Variants in ZNF708 observed in about 807,000 individuals in gnomAD.
ZNF708 encodes the protein ZNF15, ZNF15L1.
Under a neutral mutation model 47.0 loss-of-function variants are expected in ZNF708, and 44 were observed. The observed-to-expected ratio is 0.94, with a 90% CI of 0.74 to 1.20. The LOEUF is 1.20. Ranked by LOEUF, ZNF708 falls within the 50% of genes most tolerant of loss-of-function variation. ZNF708 has a pLI of 0.00. For missense variants in ZNF708, 557 were observed against 656.0 expected, an observed-to-expected ratio of 0.85 and a Z score of 1.65; for synonymous variants, 184 against 218.5, an observed-to-expected ratio of 0.84 and a Z score of 1.39.
chr19:21,307,140 A>C (rs1972796284), intron 3 of ZNF708, among the ~76,000 whole-genome samples: 1 of 138,646 alleles, frequency 7.2e-6, no homozygotes, highest in East Asian at 2.1e-4. Context: ...AAATAAAATA[A>C]AATAAAATAA....
intron 3 of ZNF708, among the ~76,000 whole-genome samples, chr19:21,306,154 G>T (rs993159054): frequency 6.6e-6 from 1 of 152,126 alleles, no homozygotes; most frequent in Non-Finnish European, 1.5e-5. Flanking sequence ...TCATGTCATT[G>T]GTCTTGGCAC....
intron 1 of ZNF708, among the ~76,000 whole-genome samples, chr19:21,317,561 A>C (rs1973041410): frequency 6.6e-6 from 1 of 152,198 alleles, no homozygotes; most frequent in Admixed American, 6.5e-5. Context: ...TGTGTTTGGA[A>C]AATATAACAA....
At chr19:21,294,925 T>G (rs925343709) in intron 3 of ZNF708, among the ~76,000 whole-genome samples, 186 bp from the exon 4 acceptor site, 1 of 152,120 alleles carries the variant, frequency 6.6e-6, no homozygotes, top group African/African-American at 2.4e-5. Context: ...AATTTATAAA[T>G]AAGTAAAGTC....
intron 3 of ZNF708, among the ~76,000 whole-genome samples, chr19:21,296,942 G>A (rs1157276458): frequency 6.6e-6 from 1 of 151,742 alleles, no homozygotes; most frequent in African/African-American, 2.4e-5. Context: ...GGACCAGCCT[G>A]GCCAACATGG....
intron 3 of ZNF708, among the ~76,000 whole-genome samples, chr19:21,297,017 C>T (rs897727154): frequency 6.6e-6 from 1 of 151,268 alleles, no homozygotes; most frequent in Non-Finnish European, 1.5e-5. Flanking sequence ...ACTGTAATCC[C>T]AGCTACTTGG....
intron 1 of ZNF708, among the ~76,000 whole-genome samples, chr19:21,314,031 T>C (rs1972955969): frequency 6.6e-6 from 1 of 151,362 alleles, no homozygotes; most frequent in Non-Finnish European, 1.5e-5. Context: ...TTTCAGGAAA[T>C]TGGGAGCACC....
intron 3 of ZNF708, among the ~76,000 whole-genome samples, chr19:21,304,312 C>T (rs1021107844): frequency 6.6e-6 from 1 of 151,326 alleles, no homozygotes; most frequent in Admixed American, 6.6e-5. Context: ...AGAGCGTAAC[C>T]TTTTTGATTA....
rs200424899 is a variant in ZNF708 at position 21,302,361 on chromosome 19, A to C, written c.226+6885T>G. Among the ~76,000 whole-genome samples, 7 of 152,290 alleles carry C rather than the reference A, an allele frequency of 4.6e-5. No homozygotes were observed. In the East Asian group the frequency reaches 1.3e-3, roughly 29 times the overall value. On this transcript the variant is annotated intron_variant, in intron 3 of 3. Transcript: ENST00000356929. ...TAACTACTGAAAAATATAAAGGTAT[A>C]GCTTTTGTATTAAATTGAAGTTGTT...
At chr19:21,317,407 G>A (rs551731090) in intron 1 of ZNF708, among the ~76,000 whole-genome samples, 1 of 152,294 alleles carries the variant, frequency 6.6e-6, no homozygotes, top group South Asian at 2.1e-4. Flanking sequence ...AGGCAGAGAT[G>A]CAATTCTTCC....
chr19:21,323,656 A>G (rs1332053015), intron 1 of ZNF708, among the ~76,000 whole-genome samples: 1 of 152,182 alleles, frequency 6.6e-6, no homozygotes. Context: ...AACTGCCTCA[A>G]AACAAGAACA....
intron 1 of ZNF708, among the ~76,000 whole-genome samples, chr19:21,325,778 C>A (rs1973243574): frequency 6.6e-6 from 1 of 152,066 alleles, no homozygotes; most frequent in African/African-American, 2.4e-5. Flanking sequence ...AGTAAACAGA[C>A]AACACATAGA....
In ZNF708 at chr19:21,310,599, A is replaced by T. The variant is rs1449949347; in HGVS notation, c.32T>A (p.Ile11Lys). 6.5e-7 allele frequency: 1 copy of T among 1,548,080 alleles called. No individual in the cohort carries two copies. Among genetic ancestry groups the T allele is most frequent in the Admixed American group, 1.8e-5 (1 of 54,588 alleles). The change falls in exon 2 of 4, where the codon ATA (isoleucine) becomes AAA (lysine). Residue 11 changes from isoleucine (I) to lysine (K), a missense_variant. By Grantham distance (102) the Ile-to-Lys change is moderately radical. Coordinates refer to ENST00000356929, the MANE Select transcript of ZNF708 (RefSeq NM_021269.3). MGPLTFMDVAIEFSLEEWQCL... is the reference protein window; with the variant it reads MGPLTFMDVAKEFSLEEWQCL... The stretch of plus-strand genomic sequence containing the variant: ...CTGCCACTCCTCCAGAGAGAATTCT[A>T]TGGCCACATCCATAAATGTCAATGG...
chr19:21,309,126 AC>A, intron 3 of ZNF708, 119 bp downstream of exon 3: 1 of 1,036,928 alleles, frequency 9.6e-7, no homozygotes, highest in South Asian at 1.6e-5. Flanking sequence ...AGTTAAAAAA[AC>A]AAAACAGCTG....
At chr19:21,297,163 AT>A (rs1473179949) in intron 3 of ZNF708, among the ~76,000 whole-genome samples, 10 of 148,026 alleles carry the variant, frequency 6.8e-5, no homozygotes, top group African/African-American at 2.0e-4. Flanking sequence ...AATTTAAAAA[AT>A]ATATATGTAT....
intron 1 of ZNF708, 43 bp downstream of exon 1, chr19:21,329,167 A>G (rs749789518): frequency 3.1e-6 from 5 of 1,610,754 alleles, no homozygotes; most frequent in Middle Eastern, 1.6e-4. Flanking sequence ...ACAGGTTTCA[A>G]CCAGCCCTTC....
chr19:21,297,261 TATATATATA>T (rs1235232063), intron 3 of ZNF708, among the ~76,000 whole-genome samples: 1 of 15,928 alleles, frequency 6.3e-5, no homozygotes, highest in Non-Finnish European at 1.4e-4. Flanking sequence ...TATATATATA[TATATATATA>T]TTTTTTTTTT....
rs1404115434 is a variant in ZNF708 at position 21,329,228 on chromosome 19, G to A, written c.-16C>T. On this transcript the variant is annotated 5_prime_UTR_variant, in exon 1 of 4. Transcript: ENST00000356929. Reference sequence around the variant, plus strand: ...CTCTCACCATTTCTAGGCTTCCAGAGGGTCCTGGAGTCTTAGCTGTGGATC... The same window carrying A: ...CTCTCACCATTTCTAGGCTTCCAGAAGGTCCTGGAGTCTTAGCTGTGGATC... 3.7e-6 allele frequency: 6 copies of A among 1,611,454 alleles called. No individual in the cohort carries two copies. The highest frequency in any genetic ancestry group is 5.1e-6 in the Non-Finnish European group (6 of 1,178,128).
rs527343417 is a variant in ZNF708 at position 21,323,520 on chromosome 19, G to T, written c.3+5690C>A. 2.0e-4 allele frequency among the ~76,000 whole-genome samples: 30 copies of T among 152,258 alleles called. No homozygotes were observed. The South Asian group carries it at 6.2e-3, about 32-fold the overall frequency. On this transcript the variant is annotated intron_variant, in intron 1 of 3. Transcript: ENST00000356929. ...TCTTGTTTGTTCCTCCTTAGGAAAGGAAGCCTTTGTCTGCCTGAACTTTGC... is the reference window on the plus strand; with the variant it reads ...TCTTGTTTGTTCCTCCTTAGGAAAGTAAGCCTTTGTCTGCCTGAACTTTGC...
intron 1 of ZNF708, among the ~76,000 whole-genome samples, chr19:21,316,912 C>T (rs945791041): frequency 3.9e-5 from 6 of 151,944 alleles, no homozygotes; most frequent in Non-Finnish European, 4.4e-5. Context: ...TCAGCCTCCC[C>T]AGTAGCTGGC....
Sources: gnomAD v4.1 joint callset for allele counts (sites outside exome capture counted in the v4.1 genomes callset) on GRCh38, gnomAD v4.1.1 for gene constraint, MANE v1.5 for transcripts, NCBI Gene and HGNC (gene_info 2026-07-23, HGNC 2026-07-21) for gene names.